KIAA1328: variants seen among roughly 807,000 people sequenced by gnomAD.
KIAA1328 encodes the protein protein hinderin.
KIAA1328 carries 52 observed loss-of-function variants against 68.1 expected under a neutral mutation model. The ratio of observed to expected loss-of-function variants is 0.76; its 90% CI spans 0.61 to 0.96. The LOEUF is 0.96. KIAA1328 is among the 40% of genes least tolerant of loss of function. KIAA1328 has a pLI of 0.00. For missense variants in KIAA1328, 641 were observed against 677.6 expected (o/e 0.95, Z 0.60); for synonymous variants, 232 against 239.4 (o/e 0.97, Z 0.28).
At chr18:37,020,886 A>G (rs2151528057) in intron 6 of KIAA1328, among the ~76,000 whole-genome samples, 1 of 152,322 alleles carries the variant, frequency 6.6e-6, no homozygotes, top group Middle Eastern at 3.4e-3. Context: ...TGTGAACACA[A>G]GTCTTGTGTT....
intron 7 of KIAA1328, among the ~76,000 whole-genome samples, chr18:37,123,809 G>A (rs2058328848): frequency 6.6e-6 from 1 of 152,078 alleles, no homozygotes; most frequent in Non-Finnish European, 1.5e-5. Flanking sequence ...GATAGGTGAG[G>A]TGTTTATTTA....
At chr18:37,096,429 A>T (rs1331214625) in intron 7 of KIAA1328, among the ~76,000 whole-genome samples, 1 of 152,166 alleles carries the variant, frequency 6.6e-6, no homozygotes, top group Non-Finnish European at 1.5e-5. Flanking sequence ...ATGGCTGCAT[A>T]GTATTCCATG....
chr18:37,207,841 C>T (rs1226450178), intron 9 of KIAA1328, among the ~76,000 whole-genome samples: 7 of 152,168 alleles, frequency 4.6e-5, no homozygotes, highest in African/African-American at 1.4e-4. Flanking sequence ...GATGGAGTTT[C>T]GCTCATTGCC....
At chr18:37,122,306 G>A (rs1217188646) in intron 7 of KIAA1328, among the ~76,000 whole-genome samples, 1 of 152,096 alleles carries the variant, frequency 6.6e-6, no homozygotes. Flanking sequence ...CAGAGAGAGT[G>A]AGAATGGAAG....
At chr18:37,133,353 G>C (rs977657246) in intron 7 of KIAA1328, among the ~76,000 whole-genome samples, 7 of 151,744 alleles carry the variant, frequency 4.6e-5, no homozygotes. Flanking sequence ...GAAAATAGTG[G>C]CTGTAGGTGT....
chr18:37,229,531 T>C, downstream of KIAA1328: 1 of 1,267,052 alleles, frequency 7.9e-7, no homozygotes, highest in Non-Finnish European at 1.0e-6. Flanking sequence ...GGTGGGAGGG[T>C]CATTTTTTAC....
intron 1 of KIAA1328, among the ~76,000 whole-genome samples, chr18:36,833,698 C>A (rs906060022): frequency 2.6e-5 from 4 of 152,184 alleles, no homozygotes; most frequent in African/African-American, 9.7e-5. Context: ...CAGTTGAAAA[C>A]AGTGTGTTAT....
chr18:36,832,181 T>G (rs779822061), intron 1 of KIAA1328, among the ~76,000 whole-genome samples: 2 of 152,252 alleles, frequency 1.3e-5, no homozygotes, highest in Non-Finnish European at 2.9e-5. Context: ...ACATTACAAA[T>G]TATTAGAAAG....
intron 6 of KIAA1328, among the ~76,000 whole-genome samples, chr18:36,963,830 C>T (rs2051801991): frequency 6.6e-6 from 1 of 152,148 alleles, no homozygotes; most frequent in Non-Finnish European, 1.5e-5. Context: ...TTTTTGAAAA[C>T]AGGCATCTTG....
At chr18:37,045,787 T>C (rs1337763445) in intron 6 of KIAA1328, among the ~76,000 whole-genome samples, 6 of 152,200 alleles carry the variant, frequency 3.9e-5, no homozygotes, top group East Asian at 3.8e-4. Context: ...GAGATGTTAA[T>C]TGAGTATTTT....
Position 37,223,324 on chromosome 18 carries a change from C to T in KIAA1328, c.*1097C>T. 3.0e-6 allele frequency: 3 copies of T among 985,330 alleles called. No individual in the cohort carries two copies. Among genetic ancestry groups the T allele is most frequent in the Non-Finnish European group, 3.6e-6 (3 of 829,950 alleles). The allele number at this position is 985,330 out of a possible 1,614,324, so 61.0% of individuals were successfully genotyped here. Reference sequence around the variant, plus strand: ...TTTTCTCACTGGCCTCGTTTTGACCCAGAGAAAGCCTATGGAAGTTATGCA... The same window carrying T: ...TTTTCTCACTGGCCTCGTTTTGACCTAGAGAAAGCCTATGGAAGTTATGCA... On this transcript the variant is annotated 3_prime_UTR_variant, in exon 10 of 10. Transcript: ENST00000280020.
At chr18:37,054,875 C>G (rs1433345538) in intron 6 of KIAA1328, among the ~76,000 whole-genome samples, 7 of 152,194 alleles carry the variant, frequency 4.6e-5, no homozygotes, top group African/African-American at 1.7e-4. Flanking sequence ...AAAATGTTGA[C>G]AGGCCAGAGG....
chr18:36,948,443 G>T (rs1486659952), intron 5 of KIAA1328, among the ~76,000 whole-genome samples: 2 of 146,898 alleles, frequency 1.4e-5, no homozygotes, highest in Admixed American at 6.9e-5. Flanking sequence ...TGTATTTTTA[G>T]TAGAGATGGA....
chr18:37,029,424 A>G (rs1280893885), intron 6 of KIAA1328, among the ~76,000 whole-genome samples: 1 of 152,082 alleles, frequency 6.6e-6, no homozygotes, highest in Admixed American at 6.6e-5. Context: ...CCCAGGCTGC[A>G]GTGCAGTGGC....
chr18:36,874,597 A>C (rs1035555798), intron 4 of KIAA1328, among the ~76,000 whole-genome samples: 5 of 152,050 alleles, frequency 3.3e-5, no homozygotes, highest in African/African-American at 4.8e-5. Flanking sequence ...TGTCAGATGG[A>C]TAGATTGCAA....
At chr18:36,848,798 T>A (rs192455519) in intron 4 of KIAA1328, among the ~76,000 whole-genome samples, 25 of 151,114 alleles carry the variant, frequency 1.7e-4, no homozygotes, top group African/African-American at 5.8e-4. Flanking sequence ...AATTTTTTTT[T>A]ATCTTTTATT....
chr18:37,137,698 T>C (rs1033432513), intron 7 of KIAA1328, among the ~76,000 whole-genome samples: 2 of 152,210 alleles, frequency 1.3e-5, no homozygotes, highest in African/African-American at 2.4e-5. Context: ...TGGATTTTGC[T>C]TCCTTTGCCT....
chr18:37,165,677 T>C lies in KIAA1328; in HGVS notation c.1414+5296T>C, dbSNP rs369203365. On this transcript the variant is annotated intron_variant, in intron 8 of 9. Coordinates refer to ENST00000280020, the MANE Select transcript of KIAA1328 (RefSeq NM_020776.3). Reference sequence around the variant, plus strand: ...CATGATCTCGGCTCACCACAACCTCTGCCTCCCAGGTTCAAGTGATTATCC... The same window carrying C: ...CATGATCTCGGCTCACCACAACCTCCGCCTCCCAGGTTCAAGTGATTATCC... Among the ~76,000 whole-genome samples the C allele has an allele frequency of 1.0e-3, 153 of 150,784 alleles. 2 individuals are homozygous for C. Among genetic ancestry groups the C allele is most frequent in the African/African-American group, 3.7e-3 (151 of 41,020 alleles).
At chr18:36,861,826 A>G (rs2047573215) in intron 4 of KIAA1328, among the ~76,000 whole-genome samples, 1 of 151,808 alleles carries the variant, frequency 6.6e-6, no homozygotes, top group African/African-American at 2.4e-5. Context: ...GCACCATCAC[A>G]CTCAACTAAT....
Sources: gnomAD v4.1 joint callset for allele counts (sites outside exome capture counted in the v4.1 genomes callset) on GRCh38, gnomAD v4.1.1 for gene constraint, MANE v1.5 for transcripts, NCBI Gene and HGNC (gene_info 2026-07-23, HGNC 2026-07-21) for gene names.